The following KIF15 variants were observed in gnomAD, a reference collection of about 807,000 sequenced individuals.
The protein encoded by KIF15 is kinesin-like protein KIF15.
Under a neutral mutation model 190.6 loss-of-function variants are expected in KIF15, and 140 were observed. That is an observed-to-expected ratio of 0.73 (90% CI 0.64 to 0.84). The LOEUF is 0.84. Among genes scored for constraint, KIF15 ranks in the 40% least tolerant of loss-of-function variants. The probability of loss-of-function intolerance (pLI) is 0.00; values close to 1 mark genes in which losing one functional copy is unlikely to be tolerated. For missense variants in KIF15, 1,372 were observed against 1,584.4 expected (o/e 0.87, Z 2.28); for synonymous variants, 528 against 551.3 (o/e 0.96, Z 0.59).
chr3:44,821,085 C>A (rs1356446983), intron 20 of KIF15, among the ~76,000 whole-genome samples: 2 of 146,896 alleles, frequency 1.4e-5, no homozygotes, highest in African/African-American at 2.6e-5. Context: ...CGGGCTGACC[C>A]CCCCCACCTC....
intron 8 of KIF15, 38 bp downstream of exon 8, chr3:44,794,464 T>A: frequency 6.8e-7 from 1 of 1,473,904 alleles, no homozygotes; most frequent in South Asian, 1.3e-5. Context: ...TGTGTGTGAG[T>A]TCTTACTAGC....
Position 44,830,093 on chromosome 3 carries a change from C to T in KIF15, c.3048+18C>T, listed in dbSNP as rs772571402. Reference sequence around the variant, plus strand: ...ACATAAATGTAAGTTCGGTCACCAACAAGATGTTAAATTTGAGCATGGGAC... The same window carrying T: ...ACATAAATGTAAGTTCGGTCACCAATAAGATGTTAAATTTGAGCATGGGAC... On this transcript the variant is annotated intron_variant, in intron 25 of 34. Transcript: ENST00000326047. 3 of 1,414,292 alleles carry T rather than the reference C, an allele frequency of 2.1e-6. No individual in the cohort carries two copies. The African/African-American group carries it at 4.4e-5, about 21-fold the overall frequency. The allele number at this position is 1,414,292 out of a possible 1,614,324, so 87.6% of individuals were successfully genotyped here.
At chr3:44,778,803 A>AC (rs1185699164) in intron 4 of KIF15, among the ~76,000 whole-genome samples, 2 of 151,164 alleles carry the variant, frequency 1.3e-5, no homozygotes, top group Non-Finnish European at 2.9e-5. Flanking sequence ...ACATGGTGAG[A>AC]CCCCCGTCTC....
intron 1 of KIF15, among the ~76,000 whole-genome samples, chr3:44,768,550 GCCA>G (rs74886735): frequency 0.45 from 68,396 of 151,680 alleles, 16,572 homozygotes; most frequent in East Asian, 0.83. Context: ...TTTAGTCTGA[GCCA>G]CTCCACATTG....
chr3:44,816,472 T>C (rs1206599843), intron 20 of KIF15, among the ~76,000 whole-genome samples: 1 of 146,978 alleles, frequency 6.8e-6, no homozygotes, highest in Non-Finnish European at 1.5e-5. Flanking sequence ...TTCCCACCTA[T>C]GAGTGAGAAC....
chr3:44,859,161 C>T (rs901186534), intron 6 of KIF15, among the ~76,000 whole-genome samples: 5 of 152,192 alleles, frequency 3.3e-5, no homozygotes, highest in Admixed American at 1.3e-4. Flanking sequence ...CTGTGGGAGG[C>T]GGTCCTGGAG....
chr3:44,815,155 C>A, intron 20 of KIF15, 79 bp downstream of exon 20: 1 of 1,178,732 alleles, frequency 8.5e-7, no homozygotes, highest in Non-Finnish European at 1.2e-6. Flanking sequence ...GTGTTATAAA[C>A]TCAACTCAAA....
intron 24 of KIF15, among the ~76,000 whole-genome samples, chr3:44,829,466 ATGTATATAATATG>A (rs1246623742): frequency 7.4e-6 from 1 of 135,636 alleles, no homozygotes; most frequent in African/African-American, 2.9e-5. Context: ...TATAATATAT[ATGTATATAATATG>A]TGTATATAAT....
intron 3 of KIF15, among the ~76,000 whole-genome samples, chr3:44,775,890 C>T (rs1409317264): frequency 6.6e-6 from 1 of 151,594 alleles, no homozygotes; most frequent in Non-Finnish European, 1.5e-5. Flanking sequence ...ATCATCCTGG[C>T]TAACACAGTG....
intron 3 of KIF15, among the ~76,000 whole-genome samples, chr3:44,776,504 A>C (rs564100988): frequency 2.6e-5 from 4 of 152,320 alleles, no homozygotes; most frequent in African/African-American, 9.6e-5. Flanking sequence ...AATTAATTAA[A>C]TAAAACTTGA....
At chr3:44,859,046 T>C (rs1699214643) in intron 6 of KIF15, among the ~76,000 whole-genome samples, 1 of 152,214 alleles carries the variant, frequency 6.6e-6, no homozygotes. Flanking sequence ...GACAGTCTGA[T>C]TTCCAGTGGG....
rs561405536 is a variant in KIF15 at position 44,775,603 on chromosome 3, G to A, written c.246+166G>A. On this transcript the variant is annotated intron_variant, in intron 3 of 34. Coordinates refer to ENST00000326047, the MANE Select transcript of KIF15 (RefSeq NM_020242.3). ...CCCGAGTAGCTAGGACTACAGGTGC[G>A]CGCCACCATGCCTAGCTAATTTTTG... 5.3e-5 allele frequency among the ~76,000 whole-genome samples: 8 copies of A among 151,604 alleles called. No homozygotes were observed. In the South Asian group the frequency reaches 6.3e-4, roughly 12 times the overall value.
At chr3:44,779,728 G>A (rs563311792) in intron 4 of KIF15, among the ~76,000 whole-genome samples, 2 of 151,126 alleles carry the variant, frequency 1.3e-5, no homozygotes, top group East Asian at 3.9e-4. Context: ...CAGCTACTCA[G>A]GAGGCTGAGG....
At chr3:44,782,430 T>TAAC (rs751837004) in intron 5 of KIF15, among the ~76,000 whole-genome samples, 10 of 152,138 alleles carry the variant, frequency 6.6e-5, no homozygotes, top group Admixed American at 2.6e-4. Context: ...TCTGAGGTTA[T>TAAC]AACAACAACA....
intron 1 of KIF15, among the ~76,000 whole-genome samples, chr3:44,768,910 G>C (rs1284822086): frequency 6.6e-6 from 1 of 152,166 alleles, no homozygotes; most frequent in Non-Finnish European, 1.5e-5. Flanking sequence ...CAAGGATGGG[G>C]TAAGGACAGA....
chr3:44,806,861 T>A (rs1707527353), intron 16 of KIF15, among the ~76,000 whole-genome samples: 1 of 152,118 alleles, frequency 6.6e-6, no homozygotes, highest in African/African-American at 2.4e-5. Flanking sequence ...TTCTCCTGCC[T>A]CAGCCTCCCG....
chr3:44,791,749 G>C (rs764809485), intron 7 of KIF15, among the ~76,000 whole-genome samples: 2 of 152,002 alleles, frequency 1.3e-5, no homozygotes, highest in Non-Finnish European at 2.9e-5. Flanking sequence ...ACCAAGTCTC[G>C]CTGTTTTGCC....
At chr3:44,805,803 T>G in intron 15 of KIF15, 42 bp from the exon 16 acceptor site, 1 of 1,562,018 alleles carries the variant, frequency 6.4e-7, no homozygotes. Flanking sequence ...ATGTTTGACA[T>G]TACTTATTAC....
At chr3:44,799,177 G>A in intron 10 of KIF15, 1 of 443,326 alleles carries the variant, frequency 2.3e-6, no homozygotes. Context: ...AGTGATGTCA[G>A]AAGTGCAGTA....
Sources: allele counts gnomAD v4.1 joint callset (sites outside exome capture counted in the v4.1 genomes callset), GRCh38; gene constraint gnomAD v4.1.1; transcripts MANE v1.5; gene names NCBI Gene and HGNC (gene_info 2026-07-23, HGNC 2026-07-21).